Variants in PSD3 observed in about 807,000 individuals in gnomAD.
PSD3 encodes the protein pleckstrin and Sec7 domain containing 3.
Under a neutral mutation model 105.5 loss-of-function variants are expected in PSD3, and 49 were observed. The ratio of observed to expected loss-of-function variants is 0.46; its 90% CI spans 0.37 to 0.59. PSD3 has a LOEUF of 0.59. Among genes scored for constraint, PSD3 ranks in the 20% least tolerant of loss-of-function variants. The pLI is 0.00. For missense variants in PSD3, 1,561 were observed against 1,263.8 expected (o/e 1.24, Z -3.57); for synonymous variants, 557 against 457.8 (o/e 1.22, Z -2.77).
At chr8:18,562,878 G>C (rs1182458026) in intron 14 of PSD3, among the ~76,000 whole-genome samples, 2 of 151,062 alleles carry the variant, frequency 1.3e-5, no homozygotes, top group Middle Eastern at 3.2e-3. Context: ...GACAGAGTGA[G>C]ACTCTGTCTA....
intron 6 of PSD3, among the ~76,000 whole-genome samples, chr8:18,801,973 A>AG (rs1810737363): frequency 6.6e-6 from 1 of 152,270 alleles, no homozygotes; most frequent in East Asian, 1.9e-4. Flanking sequence ...TTTAAAAAAA[A>AG]CAAAGACCGC....
chr8:18,791,978 C>T (rs915523517), intron 8 of PSD3, among the ~76,000 whole-genome samples: 1 of 152,120 alleles, frequency 6.6e-6, no homozygotes, highest in African/African-American at 2.4e-5. Flanking sequence ...ACCTTAATAT[C>T]ACTGATCAAT....
chr8:18,995,914 T>C (rs2129473889), intron 1 of PSD3, among the ~76,000 whole-genome samples: 1 of 152,012 alleles, frequency 6.6e-6, no homozygotes, highest in East Asian at 1.9e-4. Context: ...AAGACCAGAT[T>C]TGGGTGGGGA....
chr8:18,820,824 C>T (rs1049485348), intron 4 of PSD3, among the ~76,000 whole-genome samples: 1 of 151,984 alleles, frequency 6.6e-6, no homozygotes, highest in African/African-American at 2.4e-5. Context: ...AGTGCAGTGG[C>T]GGAACTGCAG....
chr8:18,907,638 T>C (rs1819933162), intron 2 of PSD3, among the ~76,000 whole-genome samples: 1 of 152,218 alleles, frequency 6.6e-6, no homozygotes, highest in Admixed American at 6.5e-5. Flanking sequence ...ATAGCCTAGG[T>C]GTGTCTCATA....
At chr8:18,592,835 T>A (rs1803712885) in intron 12 of PSD3, among the ~76,000 whole-genome samples, 1 of 152,192 alleles carries the variant, frequency 6.6e-6, no homozygotes, top group Non-Finnish European at 1.5e-5. Flanking sequence ...TACAACTATC[T>A]GATCTTTGAC....
chr8:18,807,871 C>T (rs770108474), intron 4 of PSD3, among the ~76,000 whole-genome samples: 9 of 152,116 alleles, frequency 5.9e-5, no homozygotes, highest in Non-Finnish European at 1.3e-4. Flanking sequence ...ACTGGGAAGC[C>T]AAGGGGAGGA....
chr8:18,913,505 G>A (rs1256591897), intron 2 of PSD3, among the ~76,000 whole-genome samples: 1 of 152,038 alleles, frequency 6.6e-6, no homozygotes. Flanking sequence ...TGCAGATAGA[G>A]ACTCCAGGCC....
intron 14 of PSD3, among the ~76,000 whole-genome samples, chr8:18,568,870 C>A (rs1801963731): frequency 6.6e-6 from 1 of 150,926 alleles, no homozygotes; most frequent in African/African-American, 2.4e-5. Context: ...CCCGACCCCA[C>A]AACAGTCCCC....
intron 2 of PSD3, among the ~76,000 whole-genome samples, chr8:18,902,399 C>T (rs1432437744): frequency 1.3e-5 from 2 of 152,144 alleles, no homozygotes; most frequent in Non-Finnish European, 2.9e-5. Context: ...AATTGTTTTC[C>T]TGACTTCATT....
chr8:18,682,527 C>G (rs1427814743), intron 9 of PSD3, among the ~76,000 whole-genome samples: 1 of 152,152 alleles, frequency 6.6e-6, no homozygotes, highest in Non-Finnish European at 1.5e-5. Flanking sequence ...AGACACGTTT[C>G]TCTCTAAAGA....
At chr8:18,860,323 C>A (rs1039502182) in intron 4 of PSD3, among the ~76,000 whole-genome samples, 31 of 151,772 alleles carry the variant, frequency 2.0e-4, no homozygotes, top group African/African-American at 7.0e-4. Flanking sequence ...ACAGATATAA[C>A]AGTAATGAAA....
chr8:18,668,647 T>C (rs906781405), intron 9 of PSD3, among the ~76,000 whole-genome samples: 3 of 152,198 alleles, frequency 2.0e-5, no homozygotes. Flanking sequence ...ACTGCCCTAA[T>C]CACAACACAA....
At chr8:18,700,262 T>A (rs28719026) in intron 9 of PSD3, among the ~76,000 whole-genome samples, 1 of 152,178 alleles carries the variant, frequency 6.6e-6, no homozygotes, top group Non-Finnish European at 1.5e-5. Context: ...ATCACTTAAT[T>A]AGATGTACTT....
intron 1 of PSD3, among the ~76,000 whole-genome samples, chr8:19,061,330 A>G (rs1193058930): frequency 6.6e-6 from 1 of 152,172 alleles, no homozygotes; most frequent in African/African-American, 2.4e-5. Context: ...TGGGAAATTA[A>G]AAAAGGATAT....
At chr8:18,664,620 G>A (rs1809583293) in intron 9 of PSD3, among the ~76,000 whole-genome samples, 1 of 152,240 alleles carries the variant, frequency 6.6e-6, no homozygotes, top group Non-Finnish European at 1.5e-5. Flanking sequence ...ATCCAGCTAA[G>A]ATCACTGATG....
intron 4 of PSD3, among the ~76,000 whole-genome samples, chr8:18,822,923 T>TAGG (rs2129449571): frequency 6.6e-6 from 1 of 152,284 alleles, no homozygotes; most frequent in South Asian, 2.1e-4. Flanking sequence ...GTCCTGGCAC[T>TAGG]ACCTCACTCC....
chr8:18,692,549 A>G (rs554071890), intron 9 of PSD3, among the ~76,000 whole-genome samples: 7 of 152,314 alleles, frequency 4.6e-5, no homozygotes, highest in African/African-American at 1.7e-4. Flanking sequence ...GAAGAAAATC[A>G]GGCCATAATG....
chr8:18,744,267 T>A (rs1804808540), intron 9 of PSD3, among the ~76,000 whole-genome samples: 1 of 152,220 alleles, frequency 6.6e-6, no homozygotes, highest in African/African-American at 2.4e-5. Flanking sequence ...ATATTTACTT[T>A]TCCCAAGTTC....
Sources: gnomAD v4.1 joint callset for allele counts (sites outside exome capture counted in the v4.1 genomes callset) on GRCh38, gnomAD v4.1.1 for gene constraint, MANE v1.5 for transcripts, NCBI Gene and HGNC (gene_info 2026-07-23, HGNC 2026-07-21) for gene names.